The following VTA1 variants were observed in gnomAD, a reference collection of about 807,000 sequenced individuals.
The protein encoded by VTA1 is vesicle trafficking 1.
Under a neutral mutation model 36.9 loss-of-function variants are expected in VTA1, and 24 were observed. The ratio of observed to expected loss-of-function variants is 0.65; its 90% CI spans 0.47 to 0.91. VTA1 has a LOEUF of 0.91. Among genes scored for constraint, VTA1 ranks in the 40% least tolerant of loss-of-function variants. The pLI, the probability that VTA1 is intolerant of heterozygous loss-of-function variation, is 0.00. For synonymous variants in VTA1, 142 were observed against 130.2 expected, an observed-to-expected ratio of 1.09 and a Z score of -0.62; for missense variants, 393 against 377.2, an observed-to-expected ratio of 1.04 and a Z score of -0.35.
In VTA1 at chr6:142,150,645, A is replaced by G. The variant is rs540631246; in HGVS notation, c.112+3246A>G. On this transcript the variant is annotated intron_variant, in intron 1 of 7. Coordinates refer to ENST00000367630, the MANE Select transcript of VTA1 (RefSeq NM_016485.5). ...ATTAAGGCATTGGATAGACCTTCCTATCTTTCCTGGTCTTACATTGAAGAA... is the reference window on the plus strand; with the variant it reads ...ATTAAGGCATTGGATAGACCTTCCTGTCTTTCCTGGTCTTACATTGAAGAA... Among the ~76,000 whole-genome samples, 3 of 152,210 alleles carry G rather than the reference A, an allele frequency of 2.0e-5. No individual in the cohort carries two copies. The South Asian group carries it at 6.2e-4, about 32-fold the overall frequency.
At chr6:142,178,627 A>C (rs1775169591) in intron 4 of VTA1, among the ~76,000 whole-genome samples, 1 of 152,122 alleles carries the variant, frequency 6.6e-6, no homozygotes, top group Non-Finnish European at 1.5e-5. Flanking sequence ...AATTATTTTA[A>C]CTGTACATAT....
intron 7 of VTA1, among the ~76,000 whole-genome samples, chr6:142,205,049 G>C (rs1189303920): frequency 6.6e-6 from 1 of 152,022 alleles, no homozygotes; most frequent in African/African-American, 2.4e-5. Flanking sequence ...CTGTTATTTA[G>C]TTTCCTCTGT....
At chr6:142,193,284 A>G (rs1236379890) in intron 5 of VTA1, among the ~76,000 whole-genome samples, 1 of 152,138 alleles carries the variant, frequency 6.6e-6, no homozygotes, top group African/African-American at 2.4e-5. Context: ...CATTAGAAGT[A>G]TATGATTTTG....
intron 1 of VTA1, among the ~76,000 whole-genome samples, chr6:142,165,980 CTTTTTT>C: frequency 7.5e-6 from 1 of 133,414 alleles, no homozygotes; most frequent in Non-Finnish European, 1.6e-5. Flanking sequence ...ACCTAGTCCT[CTTTTTT>C]TTTTTTTTTA....
At chr6:142,158,915 A>C (rs886349004) in intron 1 of VTA1, among the ~76,000 whole-genome samples, 1 of 152,168 alleles carries the variant, frequency 6.6e-6, no homozygotes, top group Non-Finnish European at 1.5e-5. Context: ...CTTTGCCTAT[A>C]GTTGTCATAC....
At position 142,180,774 on chromosome 6, in the gene VTA1, C is replaced by T. The variant is rs552353205; in HGVS notation, c.412-8652C>T. On this transcript the variant is annotated intron_variant, in intron 4 of 7. Transcript: ENST00000367630. Reference sequence around the variant, plus strand: ...GCTTCAGTGATAATGCTTCCAAAAACGTATAACCCGAACGTAATCATGAGG... The same window carrying T: ...GCTTCAGTGATAATGCTTCCAAAAATGTATAACCCGAACGTAATCATGAGG... Among the ~76,000 whole-genome samples, 28 of 152,070 alleles carry T rather than the reference C, an allele frequency of 1.8e-4. No individual in the cohort carries two copies. In the South Asian group the frequency reaches 3.7e-3, roughly 20 times the overall value.
At chr6:142,170,469 T>A (rs779173776) in intron 4 of VTA1, 48 bp downstream of exon 4, 1 of 1,271,414 alleles carries the variant, frequency 7.9e-7, no homozygotes, top group East Asian at 2.5e-5. Flanking sequence ...TCAGTAATGT[T>A]TCTGTTTATC....
intron 1 of VTA1, among the ~76,000 whole-genome samples, chr6:142,152,769 G>A (rs1346623262): frequency 1.3e-5 from 2 of 151,990 alleles, no homozygotes; most frequent in African/African-American, 4.8e-5. Flanking sequence ...AACATGTTAA[G>A]GGATACATTT....
intron 5 of VTA1, among the ~76,000 whole-genome samples, chr6:142,197,124 T>C (rs193192725): frequency 1.8e-4 from 28 of 152,308 alleles, no homozygotes; most frequent in Admixed American, 1.5e-3. Flanking sequence ...CAGCTTTTGG[T>C]CATGCTCTAG....
chr6:142,195,595 C>CTTTTTTTTTTTTTT (rs72442499), intron 5 of VTA1, among the ~76,000 whole-genome samples: 1 of 70,706 alleles, frequency 1.4e-5, no homozygotes. Flanking sequence ...GTTTAATTTG[C>CTTTTTTTTTTTTTT]TTTTTTTTTT....
At chr6:142,150,715 C>G (rs1458074341) in intron 1 of VTA1, among the ~76,000 whole-genome samples, 1 of 152,132 alleles carries the variant, frequency 6.6e-6, no homozygotes. Context: ...GAGTTCAAGA[C>G]CAGCCTGACC....
chr6:142,160,152 T>G (rs180997807), intron 1 of VTA1, among the ~76,000 whole-genome samples: 153 of 152,278 alleles, frequency 1.0e-3, no homozygotes, highest in Non-Finnish European at 1.6e-3. Flanking sequence ...GTTTGATTCT[T>G]TTGTGTATTG....
intron 7 of VTA1, among the ~76,000 whole-genome samples, 191 bp downstream of exon 7, chr6:142,204,256 A>G (rs1157178642): frequency 1.3e-5 from 2 of 152,304 alleles, no homozygotes; most frequent in African/African-American, 4.8e-5. Flanking sequence ...GTTTGACTTT[A>G]AAAATACCAA....
intron 5 of VTA1, among the ~76,000 whole-genome samples, 199 bp from the exon 6 acceptor site, chr6:142,198,240 A>G (rs1775605676): frequency 6.6e-6 from 1 of 151,858 alleles, no homozygotes; most frequent in African/African-American, 2.4e-5. Flanking sequence ...AGTGATAATC[A>G]TATTGTCAGG....
intron 4 of VTA1, among the ~76,000 whole-genome samples, chr6:142,171,296 T>C (rs1300032376): frequency 6.6e-6 from 1 of 152,172 alleles, no homozygotes; most frequent in East Asian, 1.9e-4. Flanking sequence ...GGTTTCACCA[T>C]GTTGGTCAGG....
chr6:142,209,213 T>C (rs1017874734), intron 7 of VTA1, among the ~76,000 whole-genome samples: 5 of 151,898 alleles, frequency 3.3e-5, no homozygotes, highest in African/African-American at 1.2e-4. Flanking sequence ...AGAATCAACA[T>C]ACAAAAATCA....
At chr6:142,164,044 A>T (rs944264819) in intron 1 of VTA1, among the ~76,000 whole-genome samples, 1 of 152,154 alleles carries the variant, frequency 6.6e-6, no homozygotes, top group Non-Finnish European at 1.5e-5. Flanking sequence ...TCAGTATAGC[A>T]TAGGGTGTTG....
chr6:142,197,856 C>T (rs1412639701), intron 5 of VTA1, among the ~76,000 whole-genome samples: 2 of 150,478 alleles, frequency 1.3e-5, no homozygotes, highest in Non-Finnish European at 2.9e-5. Context: ...AGGCAGATCA[C>T]GAGGTCCGGA....
At chr6:142,176,680 AAG>A (rs940265957) in intron 4 of VTA1, among the ~76,000 whole-genome samples, 2 of 152,184 alleles carry the variant, frequency 1.3e-5, no homozygotes, top group Non-Finnish European at 2.9e-5. Flanking sequence ...TGAATTACAA[AAG>A]AGAAAATTTA....
Sources: gnomAD v4.1 joint callset for allele counts (sites outside exome capture counted in the v4.1 genomes callset) on GRCh38, gnomAD v4.1.1 for gene constraint, MANE v1.5 for transcripts, NCBI Gene and HGNC (gene_info 2026-07-23, HGNC 2026-07-21) for gene names.